Variants in BRSK2 observed in about 807,000 individuals in gnomAD.
BRSK2 encodes serine/threonine-protein kinase BRSK2.
A neutral mutation model predicts 83.3 loss-of-function variants in BRSK2; 19 were observed. The observed-to-expected ratio is 0.23, with a 90% CI of 0.16 to 0.33. The LOEUF (loss-of-function observed/expected upper bound fraction) is 0.33, where lower values mean the gene tolerates loss of function less well. Ranked by LOEUF, BRSK2 falls within the 10% of genes least tolerant of loss-of-function variation. BRSK2 has a pLI of 1.00. For synonymous variants in BRSK2, 519 were observed against 435.4 expected, an observed-to-expected ratio of 1.19 and a Z score of -2.39; for missense variants, 798 against 1,042.3, an observed-to-expected ratio of 0.77 and a Z score of 3.23.
intron 1 of BRSK2, among the ~76,000 whole-genome samples, chr11:1,429,199 G>A (rs562500440): frequency 6.6e-6 from 1 of 150,390 alleles, no homozygotes; most frequent in South Asian, 2.1e-4. Flanking sequence ...GTGTGCATGG[G>A]TGTGTGTGCA....
chr11:1,392,506 G>C lies in BRSK2; in HGVS notation c.91+2131G>C, dbSNP rs150233081. Among the ~76,000 whole-genome samples the C allele has an allele frequency of 3.7e-3, 559 of 152,304 alleles. 3 individuals are homozygous for C. The highest frequency in any genetic ancestry group is 0.013 in the African/African-American group (526 of 41,568). Reference sequence around the variant, plus strand: ...GAGACCTTGGAAGGAGGAGCTGCTCGACTTGAGGTGGCCACTGAGAGGGAG... The same window carrying C: ...GAGACCTTGGAAGGAGGAGCTGCTCCACTTGAGGTGGCCACTGAGAGGGAG... On this transcript the variant is annotated intron_variant, in intron 1 of 19. Coordinates refer to ENST00000528841, the MANE Select transcript of BRSK2 (RefSeq NM_001256627.2).
intron 1 of BRSK2, among the ~76,000 whole-genome samples, chr11:1,411,848 G>T (rs1416275747): frequency 1.3e-5 from 2 of 152,214 alleles, no homozygotes; most frequent in Non-Finnish European, 2.9e-5. Context: ...CTGCCCACTG[G>T]CCCGGCCTGG....
chr11:1,390,522 G>C lies in BRSK2; in HGVS notation c.91+147G>C, dbSNP rs1845655690. On this transcript the variant is annotated intron_variant, in intron 1 of 19. Coordinates refer to ENST00000528841, the MANE Select transcript of BRSK2 (RefSeq NM_001256627.2). The surrounding 1 kb of genome is among the most constrained non-coding windows in gnomAD (Gnocchi z 6.8). Reference sequence around the variant, plus strand: ...AACAATGGGCGGCCCGTGCGCCCCCGTCCGCTCGTGCGCCCCGGTTCCGCC... The same window carrying C: ...AACAATGGGCGGCCCGTGCGCCCCCCTCCGCTCGTGCGCCCCGGTTCCGCC... 11 of 232,030 alleles carry C rather than the reference G, an allele frequency of 4.7e-5. No individual in the cohort carries two copies. In the South Asian group the frequency reaches 1.5e-3, roughly 32 times the overall value. 14.4% of individuals were successfully genotyped at this position (232,030 alleles called of 1,614,324 possible). A position where few individuals can be genotyped will look rare whatever the true frequency, so the allele number is the denominator to read the frequency against.
In BRSK2 at chr11:1,462,603, C is replaced by G. The variant is rs184639573; in HGVS notation, c.*1880C>G. ...CACACGCGGACTCCAGCAGGCGCCA[C>G]GGAAATGGGCAAGCCCCTGCAGTGT... On this transcript the variant is annotated 3_prime_UTR_variant, in exon 20 of 20. Coordinates refer to ENST00000528841, the MANE Select transcript of BRSK2 (RefSeq NM_001256627.2). The G allele has an allele frequency of 6.6e-6, 1 of 152,402 alleles. No homozygotes were observed. Among genetic ancestry groups the G allele is most frequent in the Admixed American group, 6.5e-5 (1 of 15,310 alleles). 9.4% of individuals were successfully genotyped at this position (152,402 alleles called of 1,614,324 possible).
chr11:1,418,062 T>C (rs1447807384), intron 1 of BRSK2, among the ~76,000 whole-genome samples: 2 of 149,696 alleles, frequency 1.3e-5, no homozygotes, highest in East Asian at 4.1e-4. Context: ...GTGTCCTGCT[T>C]CTGTTGGCTG....
chr11:1,427,024 A>G (rs1394290653), intron 1 of BRSK2, among the ~76,000 whole-genome samples: 1 of 152,098 alleles, frequency 6.6e-6, no homozygotes. Flanking sequence ...GTCCTTCCCC[A>G]GTGCCAACAC....
chr11:1,451,465 G>A (rs1397068751), intron 15 of BRSK2, 46 bp downstream of exon 15: 1 of 1,596,872 alleles, frequency 6.3e-7, no homozygotes, highest in South Asian at 1.1e-5. Flanking sequence ...ACACCAGGCT[G>A]GCCGGGAGAG....
chr11:1,444,052 G>C (rs1244102799), intron 8 of BRSK2, among the ~76,000 whole-genome samples: 1 of 152,002 alleles, frequency 6.6e-6, no homozygotes, highest in Non-Finnish European at 1.5e-5. Flanking sequence ...GTGTGTCCAG[G>C]TGCTTATGAG....
In BRSK2 at chr11:1,445,804, A is replaced by C. The variant is rs1851972777; in HGVS notation, c.1123A>C (p.Lys375Gln). ...CTCCCCGATGCTGAACCGGCACGGC[A>C]AGCGGCGGCCAGAACGCAAATCCAT... is the stretch of plus-strand genomic sequence containing the variant. Reference protein sequence around the residue: ...VDSPMLNRHGKRRPERKSMEV... With the variant: ...VDSPMLNRHGQRRPERKSMEV... The change falls in exon 12 of 20, where the codon AAG becomes CAG. Residue 375 changes from lysine to glutamine, a missense_variant. By Grantham distance (53) the Lys-to-Gln change is moderately conservative. Coordinates refer to ENST00000528841, the MANE Select transcript of BRSK2 (RefSeq NM_001256627.2). 1 of 1,612,346 alleles carries C rather than the reference A, an allele frequency of 6.2e-7. No individual in the cohort carries two copies. Among genetic ancestry groups the C allele is most frequent in the Non-Finnish European group, 8.5e-7 (1 of 1,179,718 alleles).
intron 2 of BRSK2, among the ~76,000 whole-genome samples, chr11:1,437,391 C>T (rs537435864): frequency 3.9e-5 from 6 of 152,330 alleles, no homozygotes; most frequent in Non-Finnish European, 7.4e-5. Flanking sequence ...CGTGGCCTCA[C>T]TGGCCCCACC....
intron 1 of BRSK2, among the ~76,000 whole-genome samples, chr11:1,417,182 GC>G (rs1848183431): frequency 6.6e-6 from 1 of 152,026 alleles, no homozygotes; most frequent in Non-Finnish European, 1.5e-5. Context: ...AATAAAATGC[GC>G]CCTTTTCCCT....
intron 1 of BRSK2, among the ~76,000 whole-genome samples, chr11:1,400,746 G>C (rs2134046382): frequency 6.6e-6 from 1 of 152,328 alleles, no homozygotes; most frequent in Admixed American, 6.5e-5. Flanking sequence ...TGGAGGACCT[G>C]CCGGCTCTGC....
At position 1,428,798 on chromosome 11, in the gene BRSK2, C is replaced by T. The variant is rs1276579233; in HGVS notation, c.92-7242C>T. ...TGCACTGCGGGTGTGTGTGCATGTG[C>T]ACTGGGGTGTATGTATGCAGTCGTG... On this transcript the variant is annotated intron_variant, in intron 1 of 19. Coordinates refer to ENST00000528841, the MANE Select transcript of BRSK2 (RefSeq NM_001256627.2). Among the ~76,000 whole-genome samples, 3 of 150,656 alleles carry T rather than the reference C, an allele frequency of 2.0e-5. No homozygotes were observed. The East Asian group carries it at 5.9e-4, about 30-fold the overall frequency.
chr11:1,435,953 GAGGAGGCCCCCA>G, intron 1 of BRSK2, 75 bp from the exon 2 acceptor site: 1 of 996,752 alleles, frequency 1.0e-6, no homozygotes, highest in Non-Finnish European at 1.5e-6. Context: ...CAGGACGTGG[GAGGAGGCCCCCA>G]ACCTGCACTG....
intron 1 of BRSK2, among the ~76,000 whole-genome samples, chr11:1,403,719 C>T (rs1051782335): frequency 1.3e-5 from 2 of 152,212 alleles, no homozygotes; most frequent in Non-Finnish European, 2.9e-5. Context: ...TGATGGTCGC[C>T]TGTGGACCCC....
rs753521666 is a variant in BRSK2 at position 1,423,075 on chromosome 11, G to A, written c.92-12965G>A. 8.5e-5 allele frequency among the ~76,000 whole-genome samples: 13 copies of A among 152,190 alleles called. No individual in the cohort carries two copies. Among genetic ancestry groups the A allele is most frequent in the Non-Finnish European group, 1.3e-4 (9 of 68,026 alleles). ...GCTCAGCCAGACAGCAGCCCGGAGG[G>A]TTAATGTCCAGGTACCTCCAGGCCC... On this transcript the variant is annotated intron_variant, in intron 1 of 19. Coordinates refer to ENST00000528841, the MANE Select transcript of BRSK2 (RefSeq NM_001256627.2). The surrounding 1 kb of genome is among the most constrained non-coding windows in gnomAD (Gnocchi z 6.5).
intron 1 of BRSK2, among the ~76,000 whole-genome samples, chr11:1,412,773 C>T (rs1010034857): frequency 2.0e-5 from 3 of 149,716 alleles, no homozygotes; most frequent in Non-Finnish European, 4.4e-5. Flanking sequence ...GCAACGGTGC[C>T]CTGGCTGCAC....
At chr11:1,436,250 G>GCCCCCCCCCCCCCC in intron 2 of BRSK2, 116 bp downstream of exon 2, 1 of 168,876 alleles carries the variant, frequency 5.9e-6, no homozygotes, top group Non-Finnish European at 9.5e-6. Flanking sequence ...GGGGGGGCGG[G>GCCCCCCCCCCCCCC]CCCTGCAGGC....
intron 15 of BRSK2, among the ~76,000 whole-genome samples, 183 bp downstream of exon 15, chr11:1,451,602 G>A (rs1411879456): frequency 6.6e-6 from 1 of 152,210 alleles, no homozygotes; most frequent in Non-Finnish European, 1.5e-5. Flanking sequence ...GTGAGGGGAA[G>A]GCCAGCCAGG....
Sources: allele counts gnomAD v4.1 joint callset (sites outside exome capture counted in the v4.1 genomes callset), GRCh38; gene constraint gnomAD v4.1.1; non-coding constraint Gnocchi (gnomAD v3.1); transcripts MANE v1.5; gene names NCBI Gene and HGNC (gene_info 2026-07-23, HGNC 2026-07-21).